MARCHF1: variants seen among roughly 807,000 people sequenced by gnomAD.
MARCHF1 encodes E3 ubiquitin-protein ligase MARCHF1.
A neutral mutation model predicts 54.2 loss-of-function variants in MARCHF1; 40 were observed. The observed-to-expected ratio is 0.74, with a 90% CI of 0.57 to 0.96. MARCHF1 has a LOEUF of 0.96. MARCHF1 is among the 40% of genes least tolerant of loss of function. The pLI, the probability that MARCHF1 is intolerant of heterozygous loss-of-function variation, is 0.00. For missense variants in MARCHF1, 586 were observed against 656.5 expected, an observed-to-expected ratio of 0.89 and a Z score of 1.17; for synonymous variants, 236 against 236.3, an observed-to-expected ratio of 1.00 and a Z score of 0.01.
At chr4:164,264,938 AAAC>A (rs1467488899) in intron 1 of MARCHF1, among the ~76,000 whole-genome samples, 4 of 151,224 alleles carry the variant, frequency 2.6e-5, no homozygotes, top group Admixed American at 6.6e-5. Context: ...AAAACAAAAA[AAAC>A]ACCACCATCA....
intron 2 of MARCHF1, among the ~76,000 whole-genome samples, chr4:164,015,377 C>A (rs1041419010): frequency 6.6e-6 from 1 of 152,040 alleles, no homozygotes; most frequent in African/African-American, 2.4e-5. Context: ...GGGTAACACT[C>A]CAGGACATTG....
intron 1 of MARCHF1, among the ~76,000 whole-genome samples, chr4:164,159,494 T>G (rs1730172026): frequency 1.3e-5 from 2 of 152,078 alleles, no homozygotes; most frequent in Non-Finnish European, 1.5e-5. Context: ...ACCAAAAAAA[T>G]GAATGAATTC....
At chr4:164,382,464 G>A (rs1424567579) in intron 1 of MARCHF1, among the ~76,000 whole-genome samples, 5 of 152,086 alleles carry the variant, frequency 3.3e-5, no homozygotes, top group African/African-American at 7.2e-5. Flanking sequence ...TCTCCTTAAT[G>A]TTCAAGGATT....
intron 4 of MARCHF1, among the ~76,000 whole-genome samples, chr4:163,785,513 C>A: frequency 6.6e-6 from 1 of 151,934 alleles, no homozygotes; most frequent in Non-Finnish European, 1.5e-5. Flanking sequence ...AAGACAATGA[C>A]TTTTTTTTCC....
At chr4:164,321,590 A>G (rs1206361371) in intron 1 of MARCHF1, among the ~76,000 whole-genome samples, 1 of 152,140 alleles carries the variant, frequency 6.6e-6, no homozygotes, top group Non-Finnish European at 1.5e-5. Flanking sequence ...ATTTAATGGA[A>G]AAACATCTAG....
intron 4 of MARCHF1, among the ~76,000 whole-genome samples, chr4:163,727,460 G>A (rs944265120): frequency 4.6e-5 from 7 of 151,496 alleles, no homozygotes; most frequent in Admixed American, 2.0e-4. Flanking sequence ...GGCGCATGCC[G>A]CCATGCCTGG....
chr4:163,670,404 ATC>A (rs1743696211), intron 5 of MARCHF1, among the ~76,000 whole-genome samples: 3 of 151,826 alleles, frequency 2.0e-5, no homozygotes, highest in African/African-American at 7.3e-5. Flanking sequence ...CTATCTATCT[ATC>A]TATCTATCTA....
At chr4:164,372,037 G>A (rs944312442) in intron 1 of MARCHF1, among the ~76,000 whole-genome samples, 7 of 152,256 alleles carry the variant, frequency 4.6e-5, no homozygotes, top group South Asian at 2.1e-4. Context: ...ATGGCGCCAC[G>A]GCATTCCAGC....
intron 1 of MARCHF1, among the ~76,000 whole-genome samples, chr4:164,138,410 T>G (rs1008764619): frequency 2.6e-5 from 4 of 152,054 alleles, no homozygotes; most frequent in Non-Finnish European, 5.9e-5. Context: ...AAGAGTGAGA[T>G]CCTGTGACCA....
At chr4:163,605,226 C>G (rs944416514) in intron 7 of MARCHF1, among the ~76,000 whole-genome samples, 7 of 151,770 alleles carry the variant, frequency 4.6e-5, no homozygotes, top group African/African-American at 1.5e-4. Context: ...AAAAACAATC[C>G]CATCAAAAAG....
chr4:163,842,263 G>A (rs1312596319), intron 4 of MARCHF1, among the ~76,000 whole-genome samples: 2 of 151,938 alleles, frequency 1.3e-5, no homozygotes, highest in South Asian at 2.1e-4. Flanking sequence ...CACCTTGGGC[G>A]AGATGTTTAA....
chr4:163,749,882 T>C (rs1290763943), intron 4 of MARCHF1, among the ~76,000 whole-genome samples: 2 of 150,298 alleles, frequency 1.3e-5, no homozygotes, highest in Non-Finnish European at 2.9e-5. Context: ...ACTGACATTG[T>C]GAAACCCTAT....
rs4056336 is a variant in MARCHF1, at chr4:164,046,099, G to A, written c.-247-57390C>T. ...ATTAAAGCCCCAGTTTTCATAGAAC[G>A]AAGCAATAAGAGACAGGTGACAGCT... On this transcript the variant is annotated intron_variant, in intron 2 of 9. Transcript: ENST00000514618. Among the ~76,000 whole-genome samples, 481 of 152,288 alleles carry A rather than the reference G, an allele frequency of 3.2e-3. 2 individuals carry two copies. The highest frequency in any genetic ancestry group is 0.011 in the African/African-American group (460 of 41,544).
At chr4:164,068,761 G>A (rs1412354169) in intron 2 of MARCHF1, among the ~76,000 whole-genome samples, 1 of 152,200 alleles carries the variant, frequency 6.6e-6, no homozygotes, top group Non-Finnish European at 1.5e-5. Flanking sequence ...GGGACTGGCA[G>A]CCAGTTCCAC....
chr4:163,866,464 A>C (rs1750049339), intron 3 of MARCHF1, among the ~76,000 whole-genome samples: 1 of 107,236 alleles, frequency 9.3e-6, no homozygotes, highest in South Asian at 3.7e-4. Flanking sequence ...ATAAAGCTGT[A>C]GTTATATATA....
intron 3 of MARCHF1, among the ~76,000 whole-genome samples, chr4:163,948,658 C>T (rs1752069862): frequency 6.6e-6 from 1 of 151,550 alleles, no homozygotes; most frequent in African/African-American, 2.4e-5. Flanking sequence ...AGGAGAGAAG[C>T]CATTCTAAAT....
chr4:163,570,030 C>T (rs1407496367), intron 8 of MARCHF1, among the ~76,000 whole-genome samples: 1 of 152,192 alleles, frequency 6.6e-6, no homozygotes, highest in Non-Finnish European at 1.5e-5. Context: ...CTGTCTCAAT[C>T]GTGCTTACTT....
At chr4:164,125,042 A>T (rs1219203381) in intron 1 of MARCHF1, among the ~76,000 whole-genome samples, 1 of 152,090 alleles carries the variant, frequency 6.6e-6, no homozygotes, top group African/African-American at 2.4e-5. Context: ...TGCCCCATAA[A>T]TATATAGACC....
intron 1 of MARCHF1, among the ~76,000 whole-genome samples, chr4:164,125,009 G>A (rs1360916640): frequency 2.0e-5 from 3 of 151,964 alleles, no homozygotes; most frequent in African/African-American, 4.8e-5. Context: ...TGCTTATTTC[G>A]TATTGCATGC....
Sources: allele counts gnomAD v4.1 joint callset (sites outside exome capture counted in the v4.1 genomes callset), GRCh38; gene constraint gnomAD v4.1.1; transcripts MANE v1.5; gene names NCBI Gene and HGNC (gene_info 2026-07-23, HGNC 2026-07-21).